Variants in SORCS3 observed in about 807,000 individuals in gnomAD.
SORCS3 encodes VPS10 domain-containing receptor SorCS3.
Under a neutral mutation model 146.3 loss-of-function variants are expected in SORCS3, and 57 were observed. The observed-to-expected ratio is 0.39, with a 90% confidence interval of 0.31 to 0.49. SORCS3 has a LOEUF of 0.49. Among genes scored for constraint, SORCS3 ranks in the 20% least tolerant of loss-of-function variants. SORCS3 has a pLI of 0.92. For synonymous variants in SORCS3, 653 were observed against 618.5 expected, an observed-to-expected ratio of 1.06 and a Z score of -0.83; for missense variants, 1,341 against 1,575.5, an observed-to-expected ratio of 0.85 and a Z score of 2.52.
intron 1 of SORCS3, among the ~76,000 whole-genome samples, chr10:104,671,325 C>CTTT (rs771029154): frequency 0.26 from 4,986 of 19,120 alleles, 2,082 homozygotes; most frequent in Middle Eastern, 0.79. Context: ...CATTCTTTTC[C>CTTT]TTTTTTTTTT....
chr10:105,051,737 A>G (rs1344411986), intron 5 of SORCS3, among the ~76,000 whole-genome samples: 1 of 152,166 alleles, frequency 6.6e-6, no homozygotes, highest in Non-Finnish European at 1.5e-5. Flanking sequence ...TTTAGGCATC[A>G]ACCTGATATA....
At chr10:105,225,993 T>C (rs1224495112) in intron 20 of SORCS3, among the ~76,000 whole-genome samples, 1 of 151,942 alleles carries the variant, frequency 6.6e-6, no homozygotes, top group Non-Finnish European at 1.5e-5. Flanking sequence ...TAAATATACA[T>C]CAGCAACAGG....
intron 3 of SORCS3, among the ~76,000 whole-genome samples, chr10:104,949,423 A>G (rs934246283): frequency 2.6e-5 from 4 of 152,172 alleles, no homozygotes; most frequent in African/African-American, 2.4e-5. Flanking sequence ...TTTCCCAGTA[A>G]GAGAGTGAAA....
intron 20 of SORCS3, among the ~76,000 whole-genome samples, chr10:105,228,924 T>C (rs2056750833): frequency 6.6e-6 from 1 of 152,256 alleles, no homozygotes; most frequent in Non-Finnish European, 1.5e-5. Flanking sequence ...TCAGCAATTA[T>C]TTTGTTAAAT....
chr10:104,853,108 A>G (rs537189614), intron 2 of SORCS3, among the ~76,000 whole-genome samples: 11 of 152,190 alleles, frequency 7.2e-5, no homozygotes, highest in Admixed American at 4.6e-4. Flanking sequence ...GACCAGCCTG[A>G]CCAACATGGT....
chr10:104,946,571 A>C (rs994716442), intron 3 of SORCS3, among the ~76,000 whole-genome samples: 46 of 152,126 alleles, frequency 3.0e-4, no homozygotes, highest in African/African-American at 1.1e-3. Flanking sequence ...AATAAAACCC[A>C]TCTCCTGCTT....
intron 1 of SORCS3, among the ~76,000 whole-genome samples, chr10:104,691,365 A>G (rs1359447483): frequency 6.6e-6 from 1 of 152,228 alleles, no homozygotes; most frequent in East Asian, 1.9e-4. Flanking sequence ...CTAAAAAACA[A>G]AATTATTAAA....
At chr10:104,852,534 G>A (rs2018284009) in intron 2 of SORCS3, among the ~76,000 whole-genome samples, 1 of 152,132 alleles carries the variant, frequency 6.6e-6, no homozygotes, top group African/African-American at 2.4e-5. Flanking sequence ...ATCAACTTCT[G>A]GGGTCAGGAT....
intron 7 of SORCS3, among the ~76,000 whole-genome samples, chr10:105,107,028 C>CCT (rs2055826817): frequency 6.6e-6 from 1 of 152,096 alleles, no homozygotes; most frequent in South Asian, 2.1e-4. Context: ...AGTCAGTGAG[C>CCT]TGTGACCTCA....
chr10:105,255,081 A>G (rs560602950), intron 23 of SORCS3, among the ~76,000 whole-genome samples: 1 of 149,312 alleles, frequency 6.7e-6, no homozygotes, highest in East Asian at 2.0e-4. Context: ...CCAGCTACTC[A>G]GGAGGCTGAG....
intron 1 of SORCS3, among the ~76,000 whole-genome samples, chr10:104,649,181 C>T (rs1188237583): frequency 1.3e-5 from 2 of 151,772 alleles, no homozygotes. Flanking sequence ...AACAGATAGA[C>T]TGGGAACCTG....
chr10:104,702,176 C>T (rs11192163), intron 1 of SORCS3, among the ~76,000 whole-genome samples: 9,199 of 152,196 alleles, frequency 0.06, 350 homozygotes, highest in Middle Eastern at 0.15. Flanking sequence ...CTATGCGGAC[C>T]GCTGTGTTTG....
At chr10:105,094,724 C>G (rs992783813) in intron 6 of SORCS3, among the ~76,000 whole-genome samples, 1 of 152,122 alleles carries the variant, frequency 6.6e-6, no homozygotes, top group Non-Finnish European at 1.5e-5. Context: ...ATGACCTAAG[C>G]AAGTTAGGGG....
At chr10:104,861,815 C>A (rs1220214442) in intron 2 of SORCS3, among the ~76,000 whole-genome samples, 1 of 152,152 alleles carries the variant, frequency 6.6e-6, no homozygotes, top group Non-Finnish European at 1.5e-5. Flanking sequence ...GTCCTGGAGG[C>A]TGAGTCTGAG....
chr10:105,153,845 C>T (rs1489075780), intron 9 of SORCS3, among the ~76,000 whole-genome samples: 3 of 151,700 alleles, frequency 2.0e-5, no homozygotes, highest in Non-Finnish European at 2.9e-5. Flanking sequence ...CCCAGGCGGG[C>T]GAATCATGAG....
At chr10:105,105,950 G>A (rs2055817546) in intron 7 of SORCS3, among the ~76,000 whole-genome samples, 1 of 152,048 alleles carries the variant, frequency 6.6e-6, no homozygotes, top group Admixed American at 6.6e-5. Flanking sequence ...CTTCTTTCCA[G>A]TGCTGACTAC....
chr10:105,095,998 C>T (rs1181556446), intron 6 of SORCS3, among the ~76,000 whole-genome samples: 1 of 151,968 alleles, frequency 6.6e-6, no homozygotes, highest in Non-Finnish European at 1.5e-5. Flanking sequence ...TTGTGCTTTT[C>T]TTATGTTTGT....
At chr10:104,903,135 G>A (rs895056304) in intron 2 of SORCS3, among the ~76,000 whole-genome samples, 2 of 152,152 alleles carry the variant, frequency 1.3e-5, no homozygotes, top group Non-Finnish European at 1.5e-5. Flanking sequence ...GTCACTTAAC[G>A]TCTCCGAGTC....
At chr10:104,675,459 C>T (rs977645724) in intron 1 of SORCS3, among the ~76,000 whole-genome samples, 7 of 151,854 alleles carry the variant, frequency 4.6e-5, no homozygotes, top group Non-Finnish European at 7.4e-5. Context: ...TTGTCTATTC[C>T]AAGGTCAGGG....
Sources: gnomAD v4.1 joint callset for allele counts (sites outside exome capture counted in the v4.1 genomes callset) on GRCh38, gnomAD v4.1.1 for gene constraint, MANE v1.5 for transcripts, NCBI Gene and HGNC (gene_info 2026-07-23, HGNC 2026-07-21) for gene names.